TTC3: variants seen among roughly 807,000 people sequenced by gnomAD.
TTC3 encodes tetratricopeptide repeat domain 3.
In TTC3, 180 loss-of-function variants were observed where a neutral mutation model predicts 249.6. That is an observed-to-expected ratio of 0.72 (90% confidence interval 0.64 to 0.82). The LOEUF is 0.82. TTC3 is among the 40% of genes least tolerant of loss of function. The pLI is 0.00. For missense variants in TTC3, 2,061 were observed against 2,398.4 expected, an observed-to-expected ratio of 0.86 and a Z score of 2.94; for synonymous variants, 717 against 805.0, an observed-to-expected ratio of 0.89 and a Z score of 1.85.
intron 30 of TTC3, among the ~76,000 whole-genome samples, chr21:37,161,169 A>G (rs2080708594): frequency 1.3e-5 from 2 of 152,128 alleles, no homozygotes; most frequent in Admixed American, 1.3e-4. Context: ...TAACATATTT[A>G]AACTAAAAAT....
At chr21:37,176,241 A>G (rs1447148245) in intron 35 of TTC3, among the ~76,000 whole-genome samples, 1 of 152,224 alleles carries the variant, frequency 6.6e-6, no homozygotes, top group Admixed American at 6.5e-5. Flanking sequence ...TTGCTGTTTT[A>G]ACCATTACAA....
intron 1 of TTC3, among the ~76,000 whole-genome samples, chr21:37,075,226 T>G (rs1342710085): frequency 6.6e-6 from 1 of 152,146 alleles, no homozygotes; most frequent in Non-Finnish European, 1.5e-5. Flanking sequence ...ATTGAATGAT[T>G]GTGTTATCTT....
At chr21:37,150,094 T>C (rs771342388) in exon 24 of TTC3, 1 of 1,607,258 alleles carries the variant, frequency 6.2e-7, no homozygotes, top group Non-Finnish European at 8.5e-7. Context: ...CTACAAGGAA[T>C]ATGTCTTACC....
At chr21:37,112,879 G>A (rs898710014) in intron 11 of TTC3, among the ~76,000 whole-genome samples, 7 of 152,126 alleles carry the variant, frequency 4.6e-5, no homozygotes, top group African/African-American at 1.4e-4. Context: ...ATGCAAGGCC[G>A]GTTCAACATA....
intron 23 of TTC3, 119 bp from the exon 24 acceptor site, chr21:37,149,959 C>G: frequency 8.7e-6 from 6 of 691,490 alleles, no homozygotes; most frequent in South Asian, 2.3e-5. Context: ...CACCACTTGC[C>G]TGAAGATGGT....
intron 8 of TTC3, 122 bp downstream of exon 8, chr21:37,094,212 G>A: frequency 2.0e-6 from 1 of 495,232 alleles, no homozygotes; most frequent in South Asian, 4.6e-5. Flanking sequence ...ATATTTGAGG[G>A]AAAGAACTAA....
chr21:37,075,688 A>G (rs916873338), intron 1 of TTC3, among the ~76,000 whole-genome samples: 1 of 152,166 alleles, frequency 6.6e-6, no homozygotes, highest in African/African-American at 2.4e-5. Context: ...GTGTCAGCCT[A>G]TGGATTTATC....
Position 37,140,726 on chromosome 21 carries a change from C to G in TTC3, c.1772+53C>G. On this transcript the variant is annotated intron_variant, in intron 20 of 45. Transcript: ENST00000355666. Reference sequence around the variant, plus strand: ...TCTAGGCTGGTAACTCATTTAAAATCCAATGTGATAATGATCCATTTTCTA... The same window carrying G: ...TCTAGGCTGGTAACTCATTTAAAATGCAATGTGATAATGATCCATTTTCTA... The G allele has an allele frequency of 5.7e-6, 7 of 1,229,144 alleles. No homozygotes were observed. The East Asian group carries it at 7.4e-5, about 13-fold the overall frequency. 76.1% of individuals were successfully genotyped at this position (1,229,144 alleles called of 1,614,324 possible). A position where few individuals can be genotyped will look rare whatever the true frequency, so the allele number is the denominator to read the frequency against.
intron 40 of TTC3, among the ~76,000 whole-genome samples, chr21:37,191,699 C>A (rs538368116): frequency 6.6e-6 from 1 of 152,146 alleles, no homozygotes; most frequent in Non-Finnish European, 1.5e-5. Flanking sequence ...CTGCCTCAGC[C>A]CCCCAAGTAG....
intron 20 of TTC3, among the ~76,000 whole-genome samples, chr21:37,143,112 CTT>C (rs2078647490): frequency 6.6e-6 from 1 of 152,210 alleles, no homozygotes; most frequent in Non-Finnish European, 1.5e-5. Flanking sequence ...GGATTAAAGA[CTT>C]CAATGTTTGA....
chr21:37,108,763 G>A (rs1462740528), intron 11 of TTC3, among the ~76,000 whole-genome samples: 1 of 152,168 alleles, frequency 6.6e-6, no homozygotes, highest in African/African-American at 2.4e-5. Context: ...AAGTATAGGA[G>A]GCTGTCTTTA....
intron 20 of TTC3, 88 bp from the exon 21 acceptor site, chr21:37,144,437 C>T (rs2078804625): frequency 6.9e-7 from 1 of 1,440,216 alleles, no homozygotes; most frequent in African/African-American, 1.4e-5. Context: ...GTATTCGTCC[C>T]AGTAAGCTTG....
chr21:37,178,282 C>G (rs945328370), intron 35 of TTC3, among the ~76,000 whole-genome samples: 3 of 152,128 alleles, frequency 2.0e-5, no homozygotes, highest in Non-Finnish European at 4.4e-5. Flanking sequence ...TGTGAACATT[C>G]ATGGACAGGT....
chr21:37,171,859 G>A (rs1482826524), intron 34 of TTC3, among the ~76,000 whole-genome samples: 2 of 152,164 alleles, frequency 1.3e-5, no homozygotes, highest in Admixed American at 1.3e-4. Context: ...AAGGTATTGG[G>A]GGAAGGTACA....
At chr21:37,090,468 T>C (rs2073116116) in intron 6 of TTC3, 182 bp downstream of exon 6, 2 of 101,138 alleles carry the variant, frequency 2.0e-5, no homozygotes, top group Non-Finnish European at 3.0e-5. Flanking sequence ...ATTTTCTCTC[T>C]TTTTTTTTTT....
Position 37,132,400 on chromosome 21 carries a change from G to A in TTC3, c.1359-282G>A, listed in dbSNP as rs951509382. Among the ~76,000 whole-genome samples the A allele has an allele frequency of 2.7e-5, 4 of 150,580 alleles. 1 individual carries two copies. The highest frequency in any genetic ancestry group is 1.3e-4 in the Admixed American group (2 of 15,084). ...GGCTGGAGTGCAGTGGTAAGATCTC[G>A]GTCCTGGGCTCAAGCAATTCTCCTG... On this transcript the variant is annotated intron_variant, in intron 16 of 45. Coordinates refer to ENST00000355666, the Ensembl canonical transcript of TTC3.
At chr21:37,181,325 C>G (rs2082737786) in intron 35 of TTC3, among the ~76,000 whole-genome samples, 1 of 152,246 alleles carries the variant, frequency 6.6e-6, no homozygotes, top group South Asian at 2.1e-4. Flanking sequence ...AATCTCCCAG[C>G]CAAAGGGATG....
At chr21:37,135,270 T>C in intron 17 of TTC3, 110 bp from the exon 18 acceptor site, 2 of 1,212,780 alleles carry the variant, frequency 1.6e-6, no homozygotes, top group South Asian at 1.6e-5. Context: ...TGGGTATTGA[T>C]GTAAACATTT....
intron 27 of TTC3, 73 bp downstream of exon 27, chr21:37,153,350 T>C: frequency 2.2e-6 from 3 of 1,349,850 alleles, no homozygotes; most frequent in Non-Finnish European, 3.0e-6. Flanking sequence ...GTCATTTTCA[T>C]TTTCCTGCCA....
Sources: gnomAD v4.1 joint callset for allele counts (sites outside exome capture counted in the v4.1 genomes callset) on GRCh38, gnomAD v4.1.1 for gene constraint, MANE v1.5 for transcripts, NCBI Gene and HGNC (gene_info 2026-07-23, HGNC 2026-07-21) for gene names.